Variants in TTLL9 observed in about 807,000 individuals in gnomAD.
The protein encoded by TTLL9 is tubulin tyrosine ligase like 9.
Under a neutral mutation model 65.6 loss-of-function variants are expected in TTLL9, and 47 were observed. The ratio of observed to expected loss-of-function variants is 0.72; its 90% CI spans 0.57 to 0.91. The LOEUF is 0.91. Ranked by LOEUF, TTLL9 falls within the 40% of genes least tolerant of loss-of-function variation. The pLI is 0.00. For synonymous variants in TTLL9, 179 were observed against 204.8 expected (o/e 0.87, Z 1.07); for missense variants, 537 against 568.8 (o/e 0.94, Z 0.57).
intron 6 of TTLL9, among the ~76,000 whole-genome samples, chr20:31,915,844 T>C (rs2063726529): frequency 1.3e-5 from 2 of 152,222 alleles, no homozygotes; most frequent in African/African-American, 4.8e-5. Flanking sequence ...CTGCTGGTAT[T>C]GCCATTGTTA....
intron 5 of TTLL9, 96 bp from the exon 6 acceptor site, chr20:31,909,641 A>C (rs1197206873): frequency 8.7e-7 from 1 of 1,150,834 alleles, no homozygotes; most frequent in Non-Finnish European, 1.2e-6. Context: ...GGGCCAGAGC[A>C]TGGAGGCTGC....
chr20:31,929,868 C>T (rs781757457), intron 10 of TTLL9, among the ~76,000 whole-genome samples: 2 of 152,136 alleles, frequency 1.3e-5, no homozygotes, highest in Non-Finnish European at 2.9e-5. Flanking sequence ...GTGGCTCACG[C>T]CTGTAATCCT....
At chr20:31,908,989 A>T (rs75423913) in intron 5 of TTLL9, among the ~76,000 whole-genome samples, 2,431 of 152,096 alleles carry the variant, frequency 0.016, 37 homozygotes, top group Admixed American at 0.03. Context: ...ATGAATGATT[A>T]TGGTGATTTC....
chr20:31,938,464 GC>G (rs1054248340), intron 13 of TTLL9, among the ~76,000 whole-genome samples: 6 of 152,120 alleles, frequency 3.9e-5, no homozygotes, highest in Non-Finnish European at 7.3e-5. Context: ...AAACATTTGA[GC>G]CCTGCTCTGT....
intron 9 of TTLL9, 43 bp from the exon 10 acceptor site, chr20:31,926,005 TC>T (rs995144134): frequency 2.5e-6 from 4 of 1,612,040 alleles, no homozygotes; most frequent in African/African-American, 1.3e-5. Context: ...ACCTACCCCT[TC>T]CCACACTCTG....
At chr20:31,880,876 A>G (rs1174216882) in intron 2 of TTLL9, among the ~76,000 whole-genome samples, 1 of 107,498 alleles carries the variant, frequency 9.3e-6, no homozygotes, top group Non-Finnish European at 1.8e-5. Context: ...TTTTTTTGAG[A>G]CAAGGTCTTA....
At chr20:31,922,062 A>G (rs2063823506) in intron 7 of TTLL9, among the ~76,000 whole-genome samples, 1 of 152,112 alleles carries the variant, frequency 6.6e-6, no homozygotes, top group Admixed American at 6.5e-5. Flanking sequence ...TGAGGTCAGG[A>G]GTTCGAGACC....
In TTLL9 at chr20:31,908,645, C is replaced by T. The variant is rs746084067; in HGVS notation, c.261C>T (p.Phe87=). 6 of 1,613,942 alleles carry T rather than the reference C, an allele frequency of 3.7e-6. No homozygotes were observed. The highest frequency in any genetic ancestry group is 1.1e-5 in the South Asian group (1 of 91,070). ...WCDVSWLREN[F]DHTYMDEHVR... ...ACGTCAGCTGGCTCCGGGAGAACTTCGACCACACCTACATGGATGAACATG... is the reference window on the plus strand; with the variant it reads ...ACGTCAGCTGGCTCCGGGAGAACTTTGACCACACCTACATGGATGAACATG... Residue 87 remains phenylalanine (F), a synonymous_variant, in exon 5 of 15, where the codon TTC becomes TTT. Coordinates refer to ENST00000535842, the MANE Select transcript of TTLL9 (RefSeq NM_001008409.5).
chr20:31,905,550 A>G (rs1477106716), intron 4 of TTLL9, among the ~76,000 whole-genome samples: 5 of 152,100 alleles, frequency 3.3e-5, no homozygotes, highest in East Asian at 3.9e-4. Flanking sequence ...GTGTCATTCC[A>G]TTACCACGTG....
At chr20:31,937,100 A>C (rs2064123618) in intron 12 of TTLL9, among the ~76,000 whole-genome samples, 2 of 67,444 alleles carry the variant, frequency 3.0e-5, no homozygotes, top group African/African-American at 1.4e-4. Context: ...CTCCCTCTCC[A>C]AAAAAAAAAA....
chr20:31,923,046 G>C lies in TTLL9; in HGVS notation c.657G>C (p.Leu219=). Residue 219 remains leucine, a synonymous_variant, in exon 8 of 15, where the codon CTG becomes CTC. Transcript: ENST00000535842. ...VAQRYIENPY[L]IGGRKFDLRV... is the part of the protein sequence containing the mutation. Reference sequence around the variant, plus strand: ...AGCGTTACATTGAAAATCCTTACCTGATAGGAGGTGAGATGGCTGTGTCTG... The same window carrying C: ...AGCGTTACATTGAAAATCCTTACCTCATAGGAGGTGAGATGGCTGTGTCTG... The C allele has an allele frequency of 6.2e-7, 1 of 1,612,398 alleles. No homozygotes were observed. Among genetic ancestry groups the C allele is most frequent in the South Asian group, 1.1e-5 (1 of 91,018 alleles).
intron 2 of TTLL9, among the ~76,000 whole-genome samples, chr20:31,880,124 A>G (rs1435860278): frequency 6.6e-6 from 1 of 152,148 alleles, no homozygotes; most frequent in South Asian, 2.1e-4. Context: ...CGCGCCGCCC[A>G]AGCTGCTGCG....
At chr20:31,941,479 A>C (rs1174443430) in intron 14 of TTLL9, among the ~76,000 whole-genome samples, 1 of 151,960 alleles carries the variant, frequency 6.6e-6, no homozygotes, top group Non-Finnish European at 1.5e-5. Context: ...AGATCAAGAT[A>C]TGGTTGGTGT....
At chr20:31,877,023 T>G (rs1461890468) in intron 2 of TTLL9, among the ~76,000 whole-genome samples, 1 of 152,206 alleles carries the variant, frequency 6.6e-6, no homozygotes, top group Non-Finnish European at 1.5e-5. Flanking sequence ...AATTCCCTAT[T>G]TATATCCTTT....
At chr20:31,936,875 C>T (rs1183820437) in intron 12 of TTLL9, among the ~76,000 whole-genome samples, 1 of 150,840 alleles carries the variant, frequency 6.6e-6, no homozygotes, top group Admixed American at 6.6e-5. Flanking sequence ...GCGGGTGGAT[C>T]ACCTGAGGTC....
At chr20:31,942,357 A>G (rs1381831681) in intron 14 of TTLL9, among the ~76,000 whole-genome samples, 1 of 152,172 alleles carries the variant, frequency 6.6e-6, no homozygotes, top group Non-Finnish European at 1.5e-5. Context: ...CTCAGCACGA[A>G]CTGCCTGGGA....
chr20:31,928,503 T>C (rs2063947791), intron 10 of TTLL9, among the ~76,000 whole-genome samples: 1 of 150,682 alleles, frequency 6.6e-6, no homozygotes, highest in Non-Finnish European at 1.5e-5. Context: ...TCATTATATA[T>C]AATATATATA....
intron 2 of TTLL9, among the ~76,000 whole-genome samples, chr20:31,886,408 C>A (rs969681297): frequency 3.3e-5 from 5 of 152,220 alleles, no homozygotes; most frequent in Non-Finnish European, 5.9e-5. Context: ...TAATACCCAC[C>A]ACCCACTGAG....
intron 3 of TTLL9, among the ~76,000 whole-genome samples, chr20:31,888,409 GC>G (rs2123420789): frequency 6.6e-6 from 1 of 152,264 alleles, no homozygotes; most frequent in East Asian, 1.9e-4. Flanking sequence ...AAAACAAAGA[GC>G]ACTTAACAGG....
Sources: gnomAD v4.1 joint callset for allele counts (sites outside exome capture counted in the v4.1 genomes callset) on GRCh38, gnomAD v4.1.1 for gene constraint, MANE v1.5 for transcripts, NCBI Gene and HGNC (gene_info 2026-07-23, HGNC 2026-07-21) for gene names.